The following TSPAN19 variants were observed in gnomAD, a reference collection of about 807,000 sequenced individuals.
TSPAN19 encodes the protein tetraspanin 19.
In TSPAN19, 44 loss-of-function variants were observed where a neutral mutation model predicts 35.1. The observed-to-expected ratio is 1.25, with a 90% confidence interval of 0.98 to 1.61. The LOEUF is 1.61. Ranked by LOEUF, TSPAN19 falls within the 40% of genes most tolerant of loss-of-function variation. The pLI is 0.00. For synonymous variants in TSPAN19, 79 were observed against 92.0 expected, an observed-to-expected ratio of 0.86 and a Z score of 0.81; for missense variants, 290 against 280.0, an observed-to-expected ratio of 1.04 and a Z score of -0.26.
chr12:85,026,246 G>GA (rs1877405221), intron 4 of TSPAN19, among the ~76,000 whole-genome samples: 1 of 151,878 alleles, frequency 6.6e-6, no homozygotes, highest in South Asian at 2.1e-4. Flanking sequence ...GTGACAAGAA[G>GA]AAAAAAATCA....
intron 4 of TSPAN19, among the ~76,000 whole-genome samples, chr12:85,025,433 C>A (rs1453238374): frequency 6.6e-6 from 1 of 151,986 alleles, no homozygotes; most frequent in African/African-American, 2.4e-5. Context: ...AGCCACCACA[C>A]CCGGCATATG....
intron 7 of TSPAN19, 128 bp downstream of exon 7, chr12:85,017,328 G>T: frequency 1.3e-6 from 1 of 795,862 alleles, no homozygotes; most frequent in Non-Finnish European, 2.0e-6. Flanking sequence ...TAGGGAAGTG[G>T]ATTAAGAATG....
intron 8 of TSPAN19, 136 bp from the exon 9 acceptor site, chr12:85,014,691 T>G: frequency 3.2e-6 from 2 of 615,598 alleles, no homozygotes; most frequent in Non-Finnish European, 5.6e-6. Context: ...AATTTCAGAA[T>G]AAGGTACATA....
At chr12:85,033,624 G>A (rs766366128) in intron 1 of TSPAN19, among the ~76,000 whole-genome samples, 8 of 151,962 alleles carry the variant, frequency 5.3e-5, no homozygotes, top group South Asian at 2.1e-4. Context: ...TCCCTTTATC[G>A]TCGATATTTT....
intron 4 of TSPAN19, 52 bp from the exon 5 acceptor site, chr12:85,023,452 G>A: frequency 7.2e-7 from 1 of 1,388,244 alleles, no homozygotes; most frequent in Admixed American, 2.0e-5. Context: ...TATATGTTTT[G>A]TATGCTCAAA....
At chr12:85,016,723 C>G (rs1317123100) in intron 7 of TSPAN19, 1 of 151,716 alleles carries the variant, frequency 6.6e-6, no homozygotes, top group Non-Finnish European at 1.5e-5. Flanking sequence ...CTGGAATTTT[C>G]CACTTAATAT....
chr12:85,028,923 G>A (rs1877552941), intron 3 of TSPAN19, among the ~76,000 whole-genome samples: 1 of 152,138 alleles, frequency 6.6e-6, no homozygotes, highest in African/African-American at 2.4e-5. Flanking sequence ...TGCTGGAAAA[G>A]GTAACATCTG....
intron 4 of TSPAN19, among the ~76,000 whole-genome samples, chr12:85,024,076 A>G (rs1298154363): frequency 6.6e-6 from 1 of 152,238 alleles, no homozygotes; most frequent in African/African-American, 2.4e-5. Flanking sequence ...CTACCAGTTC[A>G]TTCTGTGAGG....
intron 4 of TSPAN19, 32 bp downstream of exon 4, chr12:85,027,866 CA>C: frequency 6.5e-7 from 1 of 1,533,286 alleles, no homozygotes; most frequent in South Asian, 1.3e-5. Flanking sequence ...AAATCTAAGA[CA>C]AAAATTCAAA....
chr12:85,023,454 A>G (rs1877233757), intron 4 of TSPAN19, 54 bp from the exon 5 acceptor site: 24 of 1,372,650 alleles, frequency 1.7e-5, no homozygotes, highest in Non-Finnish European at 2.3e-5. Flanking sequence ...TATGTTTTGT[A>G]TGCTCAAATA....
intron 4 of TSPAN19, among the ~76,000 whole-genome samples, chr12:85,026,818 G>A (rs1439900489): frequency 6.6e-6 from 1 of 152,108 alleles, no homozygotes; most frequent in Non-Finnish European, 1.5e-5. Context: ...AGCAGAGTGA[G>A]TAGACCTGAA....
chr12:85,027,464 T>A (rs1311119019), intron 4 of TSPAN19, among the ~76,000 whole-genome samples: 1 of 152,138 alleles, frequency 6.6e-6, no homozygotes, highest in Non-Finnish European at 1.5e-5. Flanking sequence ...AAAAAATACA[T>A]ACATACATAA....
At chr12:85,017,825 G>C (rs995629988) in intron 6 of TSPAN19, among the ~76,000 whole-genome samples, 1 of 151,800 alleles carries the variant, frequency 6.6e-6, no homozygotes. Flanking sequence ...TTAGTGGCTT[G>C]TGGTTGGATA....
intron 1 of TSPAN19, among the ~76,000 whole-genome samples, chr12:85,032,971 AC>A (rs1424146030): frequency 6.6e-6 from 1 of 152,018 alleles, no homozygotes; most frequent in East Asian, 1.9e-4. Context: ...AGTTTAATAA[AC>A]TCTAATTGCT....
At chr12:85,014,910 T>G (rs961407744) in intron 8 of TSPAN19, 4 of 160,990 alleles carry the variant, frequency 2.5e-5, no homozygotes, top group African/African-American at 7.2e-5. Flanking sequence ...CAAAACTGCT[T>G]CTTTTTTTTA....
intron 1 of TSPAN19, among the ~76,000 whole-genome samples, chr12:85,031,053 T>C (rs1016718168): frequency 6.6e-6 from 1 of 151,982 alleles, no homozygotes; most frequent in South Asian, 2.1e-4. Flanking sequence ...CTTTGAAAAG[T>C]GGAAAAAAAA....
intron 1 of TSPAN19, among the ~76,000 whole-genome samples, chr12:85,034,889 A>G (rs999457387): frequency 2.6e-5 from 4 of 152,166 alleles, no homozygotes; most frequent in African/African-American, 4.8e-5. Context: ...TTTGCTGTCA[A>G]TATTTGACAA....
chr12:85,016,041 A>G, intron 7 of TSPAN19, 70 bp from the exon 8 acceptor site: 2 of 1,007,324 alleles, frequency 2.0e-6, no homozygotes, highest in Non-Finnish European at 1.4e-6. Context: ...TTTACAAAAA[A>G]TAAAAGGTAA....
chr12:85,023,596 G>T (rs1025087437), intron 4 of TSPAN19, among the ~76,000 whole-genome samples, 196 bp from the exon 5 acceptor site: 5 of 152,068 alleles, frequency 3.3e-5, no homozygotes, highest in African/African-American at 1.2e-4. Context: ...ATGAACATTT[G>T]GATAAGAGCA....
Sources: allele counts gnomAD v4.1 joint callset (sites outside exome capture counted in the v4.1 genomes callset), GRCh38; gene constraint gnomAD v4.1.1; transcripts MANE v1.5; gene names NCBI Gene and HGNC (gene_info 2026-07-23, HGNC 2026-07-21).